Variants in PPP1R13B observed in about 807,000 individuals in gnomAD.
The protein encoded by PPP1R13B is apoptosis-stimulating of p53 protein 1.
PPP1R13B carries 44 observed loss-of-function variants against 119.8 expected under a neutral mutation model. That is an observed-to-expected ratio of 0.37 (90% CI 0.29 to 0.47). The LOEUF is 0.47. PPP1R13B is among the 20% of genes least tolerant of loss of function. PPP1R13B has a pLI of 0.99. For synonymous variants in PPP1R13B, 542 were observed against 561.5 expected (o/e 0.97, Z 0.49); for missense variants, 1,227 against 1,413.5 (o/e 0.87, Z 2.12).
At chr14:103,757,331 G>C (rs917695202) in intron 5 of PPP1R13B, among the ~76,000 whole-genome samples, 1 of 152,210 alleles carries the variant, frequency 6.6e-6, no homozygotes, top group Non-Finnish European at 1.5e-5. Context: ...TGGGATTACA[G>C]GCAGGAGCCA....
rs564157534 is a variant in PPP1R13B, at chr14:103,827,932, C to T, written c.9+19367G>A. 4.6e-5 allele frequency among the ~76,000 whole-genome samples: 7 copies of T among 152,210 alleles called. No individual in the cohort carries two copies. The East Asian group carries it at 1.4e-3, about 29-fold the overall frequency. ...AACTACCAGCAACTCTCAAAAAGGA[C>T]AAGAAACCAATTGGACCATAAGGTA... On this transcript the variant is annotated intron_variant, in intron 1 of 16. Transcript: ENST00000202556.
At chr14:103,821,371 C>T (rs943849544) in intron 1 of PPP1R13B, among the ~76,000 whole-genome samples, 3 of 152,154 alleles carry the variant, frequency 2.0e-5, no homozygotes, top group Non-Finnish European at 2.9e-5. Flanking sequence ...AGCCTCCCCG[C>T]AACTTTTAAA....
At chr14:103,816,803 C>T (rs1388401923) in intron 1 of PPP1R13B, among the ~76,000 whole-genome samples, 3 of 151,970 alleles carry the variant, frequency 2.0e-5, no homozygotes, top group Admixed American at 6.6e-5. Flanking sequence ...GCAACTGGGG[C>T]TTAAAACAAC....
At chr14:103,820,829 A>T (rs925802419) in intron 1 of PPP1R13B, among the ~76,000 whole-genome samples, 8 of 151,896 alleles carry the variant, frequency 5.3e-5, no homozygotes, top group African/African-American at 1.9e-4. Context: ...CTTACATTAG[A>T]AGCTGCAAAC....
intron 2 of PPP1R13B, among the ~76,000 whole-genome samples, chr14:103,790,245 C>CA (rs571576912): frequency 0.17 from 20,983 of 123,190 alleles, 2,647 homozygotes; most frequent in African/African-American, 0.38. Flanking sequence ...GACCCTGTCT[C>CA]AAAAAAAAAA....
At chr14:103,772,339 T>C (rs2085091274) in intron 4 of PPP1R13B, among the ~76,000 whole-genome samples, 1 of 152,260 alleles carries the variant, frequency 6.6e-6, no homozygotes. Context: ...TTGCTTCCAT[T>C]TCTCTAAGGT....
chr14:103,796,149 G>A (rs1183002376), intron 2 of PPP1R13B, among the ~76,000 whole-genome samples: 1 of 152,052 alleles, frequency 6.6e-6, no homozygotes, highest in African/African-American at 2.4e-5. Context: ...CGGGCATGGT[G>A]GTGCATGCCT....
At chr14:103,808,354 G>A (rs2086067704) in intron 1 of PPP1R13B, among the ~76,000 whole-genome samples, 1 of 152,138 alleles carries the variant, frequency 6.6e-6, no homozygotes. Flanking sequence ...TCTAAAGCAG[G>A]GGTGTCCCAA....
At chr14:103,767,726 T>G (rs2084968890) in intron 4 of PPP1R13B, among the ~76,000 whole-genome samples, 1 of 152,158 alleles carries the variant, frequency 6.6e-6, no homozygotes, top group African/African-American at 2.4e-5. Flanking sequence ...CCCTTGCCTG[T>G]CCCTACACTT....
rs535634237 is a variant in PPP1R13B, at chr14:103,835,620, T to A, written c.9+11679A>T. Reference sequence around the variant, plus strand: ...AATTTTTATTTTTATTTATTTATTTTTTTTTTGAGACGGAGTCTCGCTTTG... The same window carrying A: ...AATTTTTATTTTTATTTATTTATTTATTTTTTGAGACGGAGTCTCGCTTTG... On this transcript the variant is annotated intron_variant, in intron 1 of 16. Transcript: ENST00000202556. 2.4e-4 allele frequency among the ~76,000 whole-genome samples: 36 copies of A among 150,332 alleles called. 1 individual carries two copies. The highest frequency in any genetic ancestry group is 6.7e-4 in the African/African-American group (27 of 40,310).
intron 4 of PPP1R13B, among the ~76,000 whole-genome samples, chr14:103,775,219 T>A (rs984723092): frequency 1.3e-5 from 2 of 152,118 alleles, no homozygotes; most frequent in Non-Finnish European, 2.9e-5. Flanking sequence ...TAATCTTCCC[T>A]GAAGTTCAGG....
chr14:103,814,401 G>A (rs533248013), intron 1 of PPP1R13B, among the ~76,000 whole-genome samples: 36 of 152,212 alleles, frequency 2.4e-4, no homozygotes, highest in African/African-American at 8.4e-4. Context: ...CAAGTCTGCT[G>A]AACTAATAAA....
intron 1 of PPP1R13B, among the ~76,000 whole-genome samples, chr14:103,819,305 T>C (rs1026854687): frequency 2.6e-5 from 4 of 152,074 alleles, no homozygotes; most frequent in African/African-American, 9.7e-5. Context: ...GTGGCTGCTT[T>C]GTTGAGAACA....
chr14:103,776,673 C>T (rs2085203381), intron 4 of PPP1R13B, among the ~76,000 whole-genome samples: 1 of 152,100 alleles, frequency 6.6e-6, no homozygotes, highest in Non-Finnish European at 1.5e-5. Context: ...GAGATTGAGA[C>T]CATCTTGGCT....
Position 103,738,353 on chromosome 14 carries a change from A to G in PPP1R13B, c.2864+326T>C. The G allele has an allele frequency of 2.9e-6, 1 of 345,772 alleles. No individual in the cohort carries two copies. The highest frequency in any genetic ancestry group is 6.2e-5 in the East Asian group (1 of 16,082). 21.4% of individuals were successfully genotyped at this position (345,772 alleles called of 1,614,324 possible). A position where few individuals can be genotyped will look rare whatever the true frequency, so the allele number is the denominator to read the frequency against. ...CAGGGGGATGCTGAGGCTGCTTTTC[A>G]CACGGAGCACAGAGTGTGAAGAGTC... On this transcript the variant is annotated intron_variant, in intron 14 of 16. Transcript: ENST00000202556. The surrounding 1 kb of genome is among the most constrained non-coding windows in gnomAD (Gnocchi z 5.6).
At chr14:103,739,106 G>A (rs1325934371) in intron 12 of PPP1R13B, 83 bp from the exon 13 acceptor site, 14 of 1,534,672 alleles carry the variant, frequency 9.1e-6, no homozygotes, top group Non-Finnish European at 1.2e-5. Flanking sequence ...GGAGTGGTGG[G>A]AGCTAAAGCC....
chr14:103,735,174 G>C lies in PPP1R13B; in HGVS notation c.3253C>G (p.Arg1085Gly). ...LLGLYPRIKP[R>G]QRTLA Reference sequence around the variant, plus strand: ...GAAGTTCAGGCGAGTGTTCGCTGTCGGGGTTTGATCCGTGGATACAGCTGG... The same window carrying C: ...GAAGTTCAGGCGAGTGTTCGCTGTCCGGGTTTGATCCGTGGATACAGCTGG... Residue 1085 changes from arginine to glycine, a missense_variant, in exon 17 of 17, where the codon CGA becomes GGA. Transcript: ENST00000202556. The C allele has an allele frequency of 6.2e-7, 1 of 1,614,138 alleles. No homozygotes were observed. Among genetic ancestry groups the C allele is most frequent in the Non-Finnish European group, 8.5e-7 (1 of 1,180,012 alleles).
intron 1 of PPP1R13B, among the ~76,000 whole-genome samples, chr14:103,834,145 C>T (rs1260265025): frequency 2.6e-5 from 4 of 152,156 alleles, no homozygotes; most frequent in South Asian, 2.1e-4. Context: ...GAGGCCAAGG[C>T]GTGTGGATCA....
chr14:103,776,168 A>AAGGGAAGGAGGGAGGGAG (rs1457222580), intron 4 of PPP1R13B, among the ~76,000 whole-genome samples: 35 of 61,610 alleles, frequency 5.7e-4, no homozygotes, highest in African/African-American at 4.0e-3. Flanking sequence ...GAGGAAGGGA[A>AAGGGAAGGAGGGAGGGAG]GGAGGGAGGG....
Sources: gnomAD v4.1 joint callset for allele counts (sites outside exome capture counted in the v4.1 genomes callset) on GRCh38, gnomAD v4.1.1 for gene constraint, Gnocchi (gnomAD v3.1) non-coding constraint, MANE v1.5 for transcripts, NCBI Gene and HGNC (gene_info 2026-07-23, HGNC 2026-07-21) for gene names.